NOL4: variants seen among roughly 807,000 people sequenced by gnomAD.
The protein encoded by NOL4 is nucleolar protein 4.
A neutral mutation model predicts 75.9 loss-of-function variants in NOL4; 17 were observed. That is an observed-to-expected ratio of 0.22 (90% CI 0.15 to 0.34). The LOEUF is 0.34. NOL4 is among the 10% of genes least tolerant of loss of function. The pLI is 1.00. For synonymous variants in NOL4, 292 were observed against 289.9 expected (o/e 1.01, Z -0.07); for missense variants, 614 against 793.5 (o/e 0.77, Z 2.72).
At chr18:34,169,778 C>CAA (rs955719352) in intron 1 of NOL4, among the ~76,000 whole-genome samples, 1 of 151,808 alleles carries the variant, frequency 6.6e-6, no homozygotes. Context: ...CTCAATAACA[C>CAA]AAAAAAACAC....
At chr18:34,033,309 G>GA (rs1238083934) in intron 5 of NOL4, among the ~76,000 whole-genome samples, 2 of 151,770 alleles carry the variant, frequency 1.3e-5, no homozygotes, top group African/African-American at 2.4e-5. Flanking sequence ...AAAGAAATCA[G>GA]AAAAAACAAT....
intron 5 of NOL4, among the ~76,000 whole-genome samples, chr18:34,092,060 C>A (rs1232043139): frequency 8.9e-6 from 1 of 112,938 alleles, no homozygotes; most frequent in Non-Finnish European, 1.9e-5. Context: ...TATCTATATT[C>A]CCTAAAATTA....
chr18:34,042,483 A>G (rs1282882998), intron 5 of NOL4, among the ~76,000 whole-genome samples: 1 of 152,056 alleles, frequency 6.6e-6, no homozygotes, highest in Non-Finnish European at 1.5e-5. Flanking sequence ...ATCTTTAATC[A>G]TATTCCAAAA....
At chr18:34,222,164 G>C (rs1353628467) in intron 1 of NOL4, 2 of 1,507,384 alleles carry the variant, frequency 1.3e-6, no homozygotes, top group Non-Finnish European at 1.8e-6. Context: ...AGATGCATTG[G>C]GCTCTCAATG....
chr18:34,194,453 A>AGGC (rs2035167934), intron 1 of NOL4, among the ~76,000 whole-genome samples: 1 of 147,042 alleles, frequency 6.8e-6, no homozygotes, highest in African/African-American at 2.5e-5. Flanking sequence ...GGAAGGAAGG[A>AGGC]AGGAAGGCAG....
intron 6 of NOL4, among the ~76,000 whole-genome samples, chr18:33,984,718 T>G (rs528442060): frequency 1.3e-5 from 2 of 152,086 alleles, no homozygotes; most frequent in Admixed American, 6.6e-5. Context: ...GAAGTGTGAG[T>G]CAATTAAAGC....
chr18:34,108,075 C>A (rs1049353195), intron 2 of NOL4, among the ~76,000 whole-genome samples: 1 of 152,116 alleles, frequency 6.6e-6, no homozygotes, highest in African/African-American at 2.4e-5. Context: ...TAGCAACAGG[C>A]CCTCCATTAC....
chr18:33,981,111 G>C (rs1257358809), intron 6 of NOL4, among the ~76,000 whole-genome samples: 2 of 151,974 alleles, frequency 1.3e-5, no homozygotes, highest in Non-Finnish European at 2.9e-5. Context: ...GCTGTGGAAA[G>C]AATCTCTGAG....
At chr18:34,123,467 A>G (rs527318569) in intron 2 of NOL4, among the ~76,000 whole-genome samples, 2 of 149,098 alleles carry the variant, frequency 1.3e-5, no homozygotes, top group African/African-American at 4.9e-5. Flanking sequence ...TGATAAATAA[A>G]CCAATGTGAA....
intron 9 of NOL4, among the ~76,000 whole-genome samples, chr18:33,931,383 C>T (rs763332572): frequency 1.3e-5 from 2 of 152,236 alleles, no homozygotes; most frequent in Non-Finnish European, 2.9e-5. Flanking sequence ...CAAGCCCCGA[C>T]ATTTTCCAGG....
chr18:33,866,455 G>T (rs1351391428), intron 10 of NOL4, among the ~76,000 whole-genome samples: 1 of 151,968 alleles, frequency 6.6e-6, no homozygotes, highest in Non-Finnish European at 1.5e-5. Flanking sequence ...ATCTAAGGGG[G>T]TTTTCTACAC....
At chr18:34,055,373 G>A (rs1251537225) in intron 5 of NOL4, among the ~76,000 whole-genome samples, 1 of 151,946 alleles carries the variant, frequency 6.6e-6, no homozygotes, top group Non-Finnish European at 1.5e-5. Flanking sequence ...TATTTTGTTG[G>A]CTGTAGTATT....
chr18:34,050,973 C>T (rs1410939090), intron 5 of NOL4, among the ~76,000 whole-genome samples: 2 of 152,026 alleles, frequency 1.3e-5, no homozygotes, highest in Non-Finnish European at 2.9e-5. Context: ...TGAACACAGA[C>T]TCTAATGACA....
chr18:34,082,200 T>G (rs1046074081), intron 5 of NOL4, among the ~76,000 whole-genome samples: 6 of 152,154 alleles, frequency 3.9e-5, no homozygotes, highest in Non-Finnish European at 8.8e-5. Context: ...TAGGATATAA[T>G]AAATGCGGTG....
rs1380758673 is a variant in NOL4 at position 34,163,796 on chromosome 18, C to T, written c.265-33776G>A. ...CCGCATCGCCAAGTCAATCCTAAGC[C>T]AAAAGAACAAAGCTGGAGGTATCAC... On this transcript the variant is annotated intron_variant, in intron 1 of 10. Transcript: ENST00000261592. Among the ~76,000 whole-genome samples, 3 of 152,144 alleles carry T rather than the reference C, an allele frequency of 2.0e-5. No individual in the cohort carries two copies. In the East Asian group the frequency reaches 5.8e-4, roughly 30 times the overall value.
chr18:33,949,358 G>A (rs1241018965), intron 8 of NOL4, among the ~76,000 whole-genome samples: 1 of 152,016 alleles, frequency 6.6e-6, no homozygotes, highest in African/African-American at 2.4e-5. Context: ...TCAATACTTT[G>A]TTTCCAATGA....
intron 9 of NOL4, among the ~76,000 whole-genome samples, chr18:33,905,626 C>A (rs1315027147): frequency 6.6e-6 from 1 of 152,134 alleles, no homozygotes. Context: ...GCTGAATTTG[C>A]CATCCTACAC....
At chr18:33,858,587 C>A (rs745717304) in intron 10 of NOL4, among the ~76,000 whole-genome samples, 1 of 151,934 alleles carries the variant, frequency 6.6e-6, no homozygotes, top group Non-Finnish European at 1.5e-5. Context: ...ATTCAACATG[C>A]TAATGAATTT....
intron 6 of NOL4, among the ~76,000 whole-genome samples, chr18:34,001,283 C>T (rs16965062): frequency 0.42 from 64,092 of 151,930 alleles, 14,152 homozygotes; most frequent in African/African-American, 0.51. Flanking sequence ...AATTTTTTAG[C>T]GCTGCAAATA....
Sources: allele counts gnomAD v4.1 joint callset (sites outside exome capture counted in the v4.1 genomes callset), GRCh38; gene constraint gnomAD v4.1.1; transcripts MANE v1.5; gene names NCBI Gene and HGNC (gene_info 2026-07-23, HGNC 2026-07-21).